The following DAB1 variants were observed in gnomAD, a reference collection of about 807,000 sequenced individuals.
The protein encoded by DAB1 is DAB adaptor protein 1.
DAB1 carries 15 observed loss-of-function variants against 64.6 expected under a neutral mutation model. The observed-to-expected ratio is 0.23, with a 90% CI of 0.16 to 0.36. DAB1 has a LOEUF of 0.36. Ranked by LOEUF, DAB1 falls within the 10% of genes least tolerant of loss-of-function variation. The pLI, the probability that DAB1 is intolerant of heterozygous loss-of-function variation, is 1.00. For synonymous variants in DAB1, 235 were observed against 251.9 expected (o/e 0.93, Z 0.64); for missense variants, 596 against 706.7 (o/e 0.84, Z 1.78).
chr1:58,326,067 G>A (rs113275468), intron 4 of DAB1, among the ~76,000 whole-genome samples: 1 of 152,114 alleles, frequency 6.6e-6, no homozygotes, highest in African/African-American at 2.4e-5. Context: ...GTCTCCAGGG[G>A]ACAATGTATT....
intron 5 of DAB1, among the ~76,000 whole-genome samples, chr1:58,130,419 A>T (rs1442147020): frequency 1.3e-5 from 2 of 151,764 alleles, no homozygotes; most frequent in African/African-American, 2.4e-5. Context: ...CCAACTTGCC[A>T]GTCTGTGCCT....
intron 5 of DAB1, among the ~76,000 whole-genome samples, chr1:58,068,627 G>A (rs746770480): frequency 1.3e-5 from 2 of 151,922 alleles, no homozygotes; most frequent in Non-Finnish European, 2.9e-5. Context: ...TTAGCTGGGT[G>A]TGGTGGTGGG....
chr1:57,922,478 A>G (rs1644821943), intron 5 of DAB1, among the ~76,000 whole-genome samples: 1 of 152,274 alleles, frequency 6.6e-6, no homozygotes, highest in Admixed American at 6.5e-5. Context: ...GAAGCTGAAC[A>G]GAGTACACAG....
At chr1:57,001,352 C>T (rs1200567781) in intron 14 of DAB1, among the ~76,000 whole-genome samples, 2 of 152,160 alleles carry the variant, frequency 1.3e-5, no homozygotes, top group Non-Finnish European at 2.9e-5. Context: ...GCTTCAAATC[C>T]TTCAGAGGCT....
chr1:58,414,544 T>C (rs1644699668), intron 3 of DAB1, among the ~76,000 whole-genome samples: 1 of 152,240 alleles, frequency 6.6e-6, no homozygotes. Context: ...AAGTGTTTCA[T>C]GTTTCTTGAA....
At chr1:58,234,629 T>C (rs1224816200) in intron 4 of DAB1, among the ~76,000 whole-genome samples, 2 of 151,992 alleles carry the variant, frequency 1.3e-5, no homozygotes, top group Non-Finnish European at 2.9e-5. Flanking sequence ...GGAAGGGCTC[T>C]AAGTCACTCA....
intron 2 of DAB1, among the ~76,000 whole-genome samples, chr1:57,184,538 A>G (rs1663328475): frequency 6.6e-6 from 1 of 152,188 alleles, no homozygotes; most frequent in South Asian, 2.1e-4. Flanking sequence ...ATTATCACAG[A>G]TTTCACAGTA....
At chr1:57,252,546 C>A (rs1399231576) in intron 2 of DAB1, among the ~76,000 whole-genome samples, 1 of 152,024 alleles carries the variant, frequency 6.6e-6, no homozygotes, top group Non-Finnish European at 1.5e-5. Context: ...GTTTATGTAC[C>A]CAACAAACAG....
intron 6 of DAB1, among the ~76,000 whole-genome samples, chr1:57,716,315 C>A (rs946162147): frequency 5.9e-5 from 9 of 152,174 alleles, no homozygotes; most frequent in Non-Finnish European, 1.3e-4. Flanking sequence ...AAAGCTGGGG[C>A]ATCATATTAC....
chr1:58,431,006 C>T (rs1467347308), intron 3 of DAB1, among the ~76,000 whole-genome samples: 1 of 152,152 alleles, frequency 6.6e-6, no homozygotes, highest in African/African-American at 2.4e-5. Context: ...TCTGGGGATC[C>T]CTGAGGTCTA....
intron 2 of DAB1, among the ~76,000 whole-genome samples, chr1:57,271,679 C>A (rs1423424750): frequency 2.0e-5 from 3 of 152,148 alleles, no homozygotes; most frequent in Non-Finnish European, 4.4e-5. Flanking sequence ...ATCCAAGTAG[C>A]CCCGCGGAGG....
chr1:57,800,989 GA>G (rs1163269477), intron 6 of DAB1, among the ~76,000 whole-genome samples: 2 of 152,178 alleles, frequency 1.3e-5, no homozygotes, highest in Non-Finnish European at 2.9e-5. Context: ...AAATTCTAAA[GA>G]AGAATAAATC....
chr1:58,151,591 AT>A (rs1654939961), intron 4 of DAB1, among the ~76,000 whole-genome samples: 1 of 152,326 alleles, frequency 6.6e-6, no homozygotes, highest in Admixed American at 6.5e-5. Flanking sequence ...AGAAAATGAA[AT>A]TGCATAGAAG....
At chr1:57,217,968 A>G (rs1356499066) in intron 2 of DAB1, among the ~76,000 whole-genome samples, 1 of 152,134 alleles carries the variant, frequency 6.6e-6, no homozygotes, top group African/African-American at 2.4e-5. Context: ...GGTCCCAAGG[A>G]AAAAAACACA....
intron 7 of DAB1, among the ~76,000 whole-genome samples, chr1:57,544,890 G>A (rs1200668815): frequency 6.6e-6 from 1 of 152,198 alleles, no homozygotes; most frequent in Non-Finnish European, 1.5e-5. Context: ...CCCCCGCCAT[G>A]CGGAACTGTG....
At chr1:57,288,615 T>C (rs1672525140) in intron 2 of DAB1, among the ~76,000 whole-genome samples, 1 of 152,164 alleles carries the variant, frequency 6.6e-6, no homozygotes, top group South Asian at 2.1e-4. Context: ...TTAGACTTTC[T>C]AGCCTCCAGA....
chr1:57,849,446 G>A (rs1016859892), intron 1 of DAB1, among the ~76,000 whole-genome samples: 1 of 152,172 alleles, frequency 6.6e-6, no homozygotes, highest in Non-Finnish European at 1.5e-5. Flanking sequence ...AAAGAGAGAG[G>A]CCATTGTCTA....
chr1:57,167,418 C>T lies in DAB1; in HGVS notation c.68-21989G>A, dbSNP rs1021393872. On this transcript the variant is annotated intron_variant, in intron 2 of 14. Transcript: ENST00000371236. ...ACCCCTTGTATGCTTCTACGACTATCTTGGTTCTCCCTCTTTCTTGACTCA... is the reference window on the plus strand; with the variant it reads ...ACCCCTTGTATGCTTCTACGACTATTTTGGTTCTCCCTCTTTCTTGACTCA... Among the ~76,000 whole-genome samples the T allele has an allele frequency of 1.2e-4, 18 of 152,132 alleles. 1 individual carries two copies. The highest frequency in any genetic ancestry group is 2.4e-4 in the Non-Finnish European group (16 of 68,016).
At chr1:57,667,426 C>T (rs887070310) in intron 6 of DAB1, among the ~76,000 whole-genome samples, 6 of 152,084 alleles carry the variant, frequency 3.9e-5, no homozygotes, top group African/African-American at 1.4e-4. Flanking sequence ...TAATATCTGA[C>T]ATATTTTTTA....
Sources: gnomAD v4.1 joint callset for allele counts (sites outside exome capture counted in the v4.1 genomes callset) on GRCh38, gnomAD v4.1.1 for gene constraint, MANE v1.5 for transcripts, NCBI Gene and HGNC (gene_info 2026-07-23, HGNC 2026-07-21) for gene names.